The following ADAMTSL3 variants were observed in gnomAD, a reference collection of about 807,000 sequenced individuals.
ADAMTSL3 encodes ADAMTS like 3.
Under a neutral mutation model 201.7 loss-of-function variants are expected in ADAMTSL3, and 128 were observed. That is an observed-to-expected ratio of 0.63 (90% confidence interval 0.55 to 0.73). The LOEUF (loss-of-function observed/expected upper bound fraction) is 0.73. Among genes scored for constraint, ADAMTSL3 ranks in the 30% least tolerant of loss-of-function variants. The pLI is 0.00. For synonymous variants in ADAMTSL3, 738 were observed against 748.4 expected, an observed-to-expected ratio of 0.99 and a Z score of 0.23; for missense variants, 1,990 against 2,119.6, an observed-to-expected ratio of 0.94 and a Z score of 1.20.
chr15:83,945,143 T>G (rs1428273882), intron 19 of ADAMTSL3, among the ~76,000 whole-genome samples: 1 of 152,112 alleles, frequency 6.6e-6, no homozygotes, highest in East Asian at 1.9e-4. Flanking sequence ...CTCCAGGGTC[T>G]ACAGAGCAGG....
chr15:83,739,771 A>G, intron 3 of ADAMTSL3: 1 of 533,614 alleles, frequency 1.9e-6, no homozygotes, highest in South Asian at 1.5e-5. Context: ...AAGGAGCCCT[A>G]GAAGTCCCCA....
chr15:83,655,791 G>A lies in ADAMTSL3; in HGVS notation c.30G>A (p.Val10=), dbSNP rs759088864. 1.2e-6 allele frequency: 2 copies of A among 1,614,016 alleles called. No homozygotes were observed. Among genetic ancestry groups the A allele is most frequent in the Non-Finnish European group, 1.7e-6 (2 of 1,180,020 alleles). Residue 10 remains valine (V), a synonymous_variant, in exon 2 of 30, where the codon GTG becomes GTA. Transcript: ENST00000286744. MASWTSPWW[V]LIGMVFMHSP... The stretch of plus-strand genomic sequence containing the variant: ...CTTCCTGGACGAGCCCCTGGTGGGT[G>A]CTGATAGGGATGGTCTTCATGCACT...
In ADAMTSL3 at chr15:84,039,110, C is replaced by T. The variant is rs1813324778; in HGVS notation, c.*1304C>T. 6.6e-6 allele frequency: 1 copy of T among 152,370 alleles called. No homozygotes were observed. The allele number at this position is 152,370 out of a possible 1,614,324, so 9.4% of individuals were successfully genotyped here. A position where few individuals can be genotyped will look rare whatever the true frequency, so the allele number is the denominator to read the frequency against. On this transcript the variant is annotated 3_prime_UTR_variant, in exon 30 of 30. Transcript: ENST00000286744. Reference sequence around the variant, plus strand: ...AAGCTGATTTGGTTATGGGGTCTTTCCCCTGTATACTACCAGTTGTGTCTT... The same window carrying T: ...AAGCTGATTTGGTTATGGGGTCTTTTCCCTGTATACTACCAGTTGTGTCTT...
At chr15:83,998,176 C>A (rs748044314) in intron 23 of ADAMTSL3, among the ~76,000 whole-genome samples, 2 of 152,038 alleles carry the variant, frequency 1.3e-5, no homozygotes, top group Non-Finnish European at 2.9e-5. Flanking sequence ...AAGAAAGGAA[C>A]TAAATAGGCT....
chr15:83,944,907 G>A (rs1212621201), intron 19 of ADAMTSL3, among the ~76,000 whole-genome samples: 1 of 152,184 alleles, frequency 6.6e-6, no homozygotes, highest in African/African-American at 2.4e-5. Context: ...GCCCTTGATA[G>A]AAGGTCCACA....
At chr15:83,669,528 C>T (rs1336158863) in intron 2 of ADAMTSL3, among the ~76,000 whole-genome samples, 2 of 122,264 alleles carry the variant, frequency 1.6e-5, no homozygotes, top group East Asian at 2.8e-4. Context: ...AGTGCTGTGG[C>T]GTGATCTCGG....
At chr15:83,710,305 A>AT (rs1282407560) in intron 3 of ADAMTSL3, among the ~76,000 whole-genome samples, 2 of 151,952 alleles carry the variant, frequency 1.3e-5, no homozygotes, top group East Asian at 3.9e-4. Context: ...AGGATTTGAG[A>AT]TTTTTTTCCA....
chr15:83,982,708 G>A lies in ADAMTSL3; in HGVS notation c.3080G>A (p.Gly1027Glu). ...GACCACAGCGAAGCCAATAGTTTGG[G>A]AGTCACATGGCACAAAATGAGGCAA... ...GMDHSEANSL[G>E]VTWHKMRQMW... The change falls in exon 21 of 30, where the codon GGA becomes GAA. Residue 1027 changes from glycine to glutamate, a missense_variant. By Grantham distance (98) the Gly-to-Glu change is moderately conservative (BLOSUM62 -2). Transcript: ENST00000286744. 1 of 1,614,060 alleles carries A rather than the reference G, an allele frequency of 6.2e-7. No individual in the cohort carries two copies. The highest frequency in any genetic ancestry group is 8.5e-7 in the Non-Finnish European group (1 of 1,180,034).
At chr15:83,661,325 A>C (rs2061160265) in intron 2 of ADAMTSL3, among the ~76,000 whole-genome samples, 1 of 151,280 alleles carries the variant, frequency 6.6e-6, no homozygotes, top group Admixed American at 6.6e-5. Context: ...GAAGAAAGGC[A>C]TTGGTAGCTT....
intron 5 of ADAMTSL3, among the ~76,000 whole-genome samples, chr15:83,808,898 C>T (rs1400415867): frequency 1.4e-5 from 2 of 141,192 alleles, no homozygotes; most frequent in Admixed American, 7.1e-5. Flanking sequence ...CACATAATCT[C>T]ATTCATACGT....
intron 3 of ADAMTSL3, among the ~76,000 whole-genome samples, chr15:83,739,595 CA>C (rs373774483): frequency 0.015 from 2,222 of 149,158 alleles, 55 homozygotes; most frequent in African/African-American, 0.047. Context: ...TTTCAAAATC[CA>C]AAAAAAAATC....
chr15:83,901,596 A>G (rs952196036), intron 15 of ADAMTSL3, among the ~76,000 whole-genome samples: 1 of 152,236 alleles, frequency 6.6e-6, no homozygotes, highest in African/African-American at 2.4e-5. Context: ...GAAGGAGCAA[A>G]GATTGGTAGT....
At chr15:83,969,425 G>GT (rs1232339380) in intron 19 of ADAMTSL3, among the ~76,000 whole-genome samples, 2 of 152,202 alleles carry the variant, frequency 1.3e-5, no homozygotes, top group Non-Finnish European at 2.9e-5. Flanking sequence ...TCTAGCCTGG[G>GT]TGACAGAGCA....
intron 7 of ADAMTSL3, among the ~76,000 whole-genome samples, chr15:83,846,666 T>G (rs2064505341): frequency 6.6e-6 from 1 of 152,192 alleles, no homozygotes; most frequent in Non-Finnish European, 1.5e-5. Context: ...CCCTAGAATT[T>G]TGAGGGGTAA....
At chr15:83,708,447 G>A (rs1193889891) in intron 3 of ADAMTSL3, among the ~76,000 whole-genome samples, 2 of 152,204 alleles carry the variant, frequency 1.3e-5, no homozygotes, top group African/African-American at 2.4e-5. Flanking sequence ...TAGCTGTGAT[G>A]TAGGCTGCAT....
rs1389695309 is a variant in ADAMTSL3 at position 83,892,667 on chromosome 15, A to G, written c.1263-17A>G. On this transcript the variant is annotated splice_polypyrimidine_tract_variant and intron_variant, in intron 12 of 29. Coordinates refer to ENST00000286744, the MANE Select transcript of ADAMTSL3 (RefSeq NM_207517.3). ...AACAACAAATAAATAATATAATTTT[A>G]TTTGTTTGCTTTTGAGCTGGGAACA... is the stretch of plus-strand genomic sequence containing the variant. 1.9e-6 allele frequency: 3 copies of G among 1,595,118 alleles called. No homozygotes were observed. The highest frequency in any genetic ancestry group is 1.7e-6 in the Non-Finnish European group (2 of 1,170,274).
At chr15:83,664,520 A>G (rs2061221232) in intron 2 of ADAMTSL3, among the ~76,000 whole-genome samples, 1 of 152,302 alleles carries the variant, frequency 6.6e-6, no homozygotes, top group East Asian at 1.9e-4. Context: ...GCATCACTGT[A>G]GATGCCTTCT....
intron 25 of ADAMTSL3, among the ~76,000 whole-genome samples, chr15:84,020,989 T>C (rs2068195026): frequency 6.6e-6 from 1 of 152,354 alleles, no homozygotes; most frequent in African/African-American, 2.4e-5. Flanking sequence ...TGCTAAATCA[T>C]CTTTCATTTC....
chr15:83,780,716 T>C (rs973826040), intron 4 of ADAMTSL3, among the ~76,000 whole-genome samples: 4 of 152,170 alleles, frequency 2.6e-5, no homozygotes, highest in African/African-American at 7.2e-5. Flanking sequence ...GAAAACCCCA[T>C]AGTCTCAGGC....
Sources: allele counts gnomAD v4.1 joint callset (sites outside exome capture counted in the v4.1 genomes callset), GRCh38; gene constraint gnomAD v4.1.1; transcripts MANE v1.5; gene names NCBI Gene and HGNC (gene_info 2026-07-23, HGNC 2026-07-21).